Variants in HS6ST3 observed in about 807,000 individuals in gnomAD.
The protein encoded by HS6ST3 is heparan-sulfate 6-O-sulfotransferase 3.
Under a neutral mutation model 36.7 loss-of-function variants are expected in HS6ST3, and 12 were observed. The ratio of observed to expected loss-of-function variants is 0.33; its 90% CI spans 0.21 to 0.53. HS6ST3 has a LOEUF of 0.53. Ranked by LOEUF, HS6ST3 falls within the 20% of genes least tolerant of loss-of-function variation. The pLI, the probability that HS6ST3 is intolerant of heterozygous loss-of-function variation, is 0.95. For synonymous variants in HS6ST3, 240 were observed against 257.5 expected (o/e 0.93, Z 0.65); for missense variants, 584 against 640.9 (o/e 0.91, Z 0.96).
intron 1 of HS6ST3, among the ~76,000 whole-genome samples, chr13:96,198,346 C>T (rs1010017092): frequency 3.9e-5 from 6 of 152,160 alleles, no homozygotes; most frequent in African/African-American, 1.4e-4. Context: ...CCCTGATCTT[C>T]GGGATTAACA....
intron 1 of HS6ST3, among the ~76,000 whole-genome samples, chr13:96,361,402 G>A (rs1232700688): frequency 2.6e-5 from 4 of 152,114 alleles, no homozygotes; most frequent in Non-Finnish European, 4.4e-5. Context: ...AAAAATATAA[G>A]AAGTTTTAAA....
chr13:96,626,312 A>G (rs1383391087), intron 1 of HS6ST3, among the ~76,000 whole-genome samples: 1 of 152,168 alleles, frequency 6.6e-6, no homozygotes, highest in Non-Finnish European at 1.5e-5. Flanking sequence ...ATGACAAGGT[A>G]TGCAATCTAA....
At chr13:96,379,889 C>T (rs1008773804) in intron 1 of HS6ST3, among the ~76,000 whole-genome samples, 1 of 151,938 alleles carries the variant, frequency 6.6e-6, no homozygotes, top group African/African-American at 2.4e-5. Context: ...CAGCCTAGTG[C>T]TTAGATGAGC....
chr13:96,111,547 A>G (rs2053868290), intron 1 of HS6ST3, among the ~76,000 whole-genome samples: 1 of 152,208 alleles, frequency 6.6e-6, no homozygotes, highest in Non-Finnish European at 1.5e-5. Flanking sequence ...TCTCAGAAAA[A>G]AAAATTCCTT....
At chr13:96,588,775 C>T (rs1052625327) in intron 1 of HS6ST3, among the ~76,000 whole-genome samples, 2 of 151,960 alleles carry the variant, frequency 1.3e-5, no homozygotes, top group African/African-American at 4.8e-5. Context: ...CTAGGCCAGG[C>T]ATGGTGGCTC....
intron 1 of HS6ST3, among the ~76,000 whole-genome samples, chr13:96,446,965 T>C (rs1244617067): frequency 3.9e-5 from 6 of 152,184 alleles, no homozygotes; most frequent in African/African-American, 1.4e-4. Flanking sequence ...TAGGTGTGCC[T>C]TCAAGTCCTC....
chr13:96,126,700 C>A (rs113655788), intron 1 of HS6ST3, among the ~76,000 whole-genome samples: 420 of 152,256 alleles, frequency 2.8e-3, no homozygotes, highest in Middle Eastern at 6.8e-3. Flanking sequence ...TCTCTTGGAA[C>A]AATTGTACTC....
intron 1 of HS6ST3, among the ~76,000 whole-genome samples, chr13:96,670,273 C>G (rs1484412248): frequency 6.6e-6 from 1 of 151,970 alleles, no homozygotes; most frequent in East Asian, 1.9e-4. Flanking sequence ...TTCTCACTGG[C>G]CTTGGCAAAA....
At chr13:96,372,788 C>T (rs528391035) in intron 1 of HS6ST3, among the ~76,000 whole-genome samples, 5 of 152,254 alleles carry the variant, frequency 3.3e-5, no homozygotes, top group African/African-American at 1.2e-4. Flanking sequence ...TTCACAGATT[C>T]TTTTGCTTGA....
chr13:96,453,750 G>A (rs930745014), intron 1 of HS6ST3, among the ~76,000 whole-genome samples: 7 of 152,178 alleles, frequency 4.6e-5, no homozygotes, highest in Admixed American at 3.9e-4. Context: ...TGGACAGCAA[G>A]ACTAGGATTA....
intron 1 of HS6ST3, among the ~76,000 whole-genome samples, chr13:96,698,461 A>G (rs1410897042): frequency 6.6e-6 from 1 of 152,144 alleles, no homozygotes; most frequent in African/African-American, 2.4e-5. Flanking sequence ...GACATTTCCA[A>G]TAACACACAA....
chr13:96,289,868 G>A (rs955608115), intron 1 of HS6ST3, among the ~76,000 whole-genome samples: 3 of 152,262 alleles, frequency 2.0e-5, no homozygotes, highest in East Asian at 3.9e-4. Context: ...CCAGGTTAGC[G>A]AGTGTGAGGA....
intron 1 of HS6ST3, among the ~76,000 whole-genome samples, chr13:96,662,017 T>C (rs1223759026): frequency 6.6e-6 from 1 of 152,180 alleles, no homozygotes; most frequent in Admixed American, 6.6e-5. Flanking sequence ...TCTCTCTTAC[T>C]GATTTTAGGA....
chr13:96,495,086 C>G (rs1452799379), intron 1 of HS6ST3, among the ~76,000 whole-genome samples: 2 of 152,132 alleles, frequency 1.3e-5, no homozygotes, highest in Non-Finnish European at 2.9e-5. Flanking sequence ...TTTTACTCCT[C>G]CTAACTGATA....
intron 1 of HS6ST3, among the ~76,000 whole-genome samples, chr13:96,296,905 G>A (rs1388044302): frequency 1.3e-5 from 2 of 151,860 alleles, no homozygotes; most frequent in Non-Finnish European, 2.9e-5. Context: ...AACATTTCTT[G>A]CCTAGTTTAT....
At chr13:96,285,996 CT>C (rs1350370699) in intron 1 of HS6ST3, among the ~76,000 whole-genome samples, 2 of 149,450 alleles carry the variant, frequency 1.3e-5, no homozygotes, top group African/African-American at 4.9e-5. Flanking sequence ...CCCTCTTTCC[CT>C]CCCTCCCTCC....
chr13:96,609,767 G>C (rs1348628420), intron 1 of HS6ST3, among the ~76,000 whole-genome samples: 1 of 152,076 alleles, frequency 6.6e-6, no homozygotes, highest in African/African-American at 2.4e-5. Flanking sequence ...AAAATTACCT[G>C]TATTTTTAAT....
intron 1 of HS6ST3, among the ~76,000 whole-genome samples, chr13:96,645,388 G>A (rs1406105137): frequency 1.3e-5 from 2 of 151,528 alleles, no homozygotes; most frequent in Non-Finnish European, 2.9e-5. Flanking sequence ...AAGGCCCAGA[G>A]AGTCTGAGTA....
intron 1 of HS6ST3, among the ~76,000 whole-genome samples, chr13:96,507,543 C>T (rs1336101): frequency 0.81 from 122,939 of 151,480 alleles, 51,028 homozygotes; most frequent in Non-Finnish European, 0.9. Context: ...GGAAAATTAA[C>T]GGGCATAGAC....
Sources: gnomAD v4.1 joint callset for allele counts (sites outside exome capture counted in the v4.1 genomes callset) on GRCh38, gnomAD v4.1.1 for gene constraint, MANE v1.5 for transcripts, NCBI Gene and HGNC (gene_info 2026-07-23, HGNC 2026-07-21) for gene names.